Variants in STK32B observed in about 807,000 individuals in gnomAD.
STK32B encodes serine/threonine kinase 32B.
A neutral mutation model predicts 52.6 loss-of-function variants in STK32B; 43 were observed. That is an observed-to-expected ratio of 0.82 (90% confidence interval 0.64 to 1.05). The LOEUF (loss-of-function observed/expected upper bound fraction) is 1.05, where lower values mean the gene tolerates loss of function less well. Among genes scored for constraint, STK32B ranks in the 50% least tolerant of loss-of-function variants. The pLI, the probability that STK32B is intolerant of heterozygous loss-of-function variation, is 0.00. For synonymous variants in STK32B, 238 were observed against 204.3 expected (o/e 1.17, Z -1.41); for missense variants, 621 against 534.6 (o/e 1.16, Z -1.59).
chr4:5,305,864 C>T (rs1729895940), intron 3 of STK32B, among the ~76,000 whole-genome samples: 1 of 152,082 alleles, frequency 6.6e-6, no homozygotes, highest in South Asian at 2.1e-4. Context: ...CCTCTTAGCA[C>T]CACTTTTGCT....
chr4:5,419,112 A>C (rs1400876567), intron 6 of STK32B, among the ~76,000 whole-genome samples: 9 of 152,206 alleles, frequency 5.9e-5, no homozygotes, highest in Admixed American at 5.9e-4. Context: ...GAGCCAGCTG[A>C]GGGGCCTCCA....
chr4:5,339,092 C>T (rs1732902138), intron 4 of STK32B, among the ~76,000 whole-genome samples: 2 of 152,196 alleles, frequency 1.3e-5, no homozygotes, highest in South Asian at 4.1e-4. Flanking sequence ...CTCCTGTCCT[C>T]AGTCATCACT....
At chr4:5,287,606 CCAAT>C (rs1216932904) in intron 3 of STK32B, among the ~76,000 whole-genome samples, 3 of 152,042 alleles carry the variant, frequency 2.0e-5, no homozygotes, top group African/African-American at 4.8e-5. Flanking sequence ...CGTTCCTGCC[CCAAT>C]CAGTTTCATG....
chr4:5,163,936 C>T (rs1030124678), intron 2 of STK32B, among the ~76,000 whole-genome samples: 25 of 152,158 alleles, frequency 1.6e-4, no homozygotes, highest in Admixed American at 3.9e-4. Context: ...CCTGCTCCTC[C>T]GCATGGGCCA....
At chr4:5,454,143 C>T (rs1370384831) in intron 7 of STK32B, among the ~76,000 whole-genome samples, 2 of 152,192 alleles carry the variant, frequency 1.3e-5, no homozygotes, top group South Asian at 4.1e-4. Context: ...CTGTCCCGCT[C>T]ATGCCGGGCC....
intron 1 of STK32B, among the ~76,000 whole-genome samples, chr4:5,064,557 A>G (rs1361722963): frequency 9.2e-5 from 4 of 43,420 alleles, no homozygotes; most frequent in African/African-American, 2.5e-4. Context: ...ATACTTATAT[A>G]CATATATAAT....
the STK32B span, among the ~76,000 whole-genome samples, chr4:5,024,959 T>C: frequency 2.0e-5 from 3 of 152,030 alleles, no homozygotes; most frequent in African/African-American, 7.2e-5. Flanking sequence ...TTGCATGCAA[T>C]CTCTGAAGGG....
chr4:5,425,103 T>A (rs556304021), intron 6 of STK32B, among the ~76,000 whole-genome samples: 1 of 152,362 alleles, frequency 6.6e-6, no homozygotes, highest in East Asian at 1.9e-4. Context: ...CCGGACCCCA[T>A]GCTCGCTTGC....
At chr4:5,454,716 TC>T (rs1716346777) in intron 7 of STK32B, among the ~76,000 whole-genome samples, 1 of 152,120 alleles carries the variant, frequency 6.6e-6, no homozygotes, top group Admixed American at 6.5e-5. Flanking sequence ...GGTTTTGTCT[TC>T]TGTGAAATGG....
chr4:5,326,626 A>C (rs755348207), intron 3 of STK32B, among the ~76,000 whole-genome samples: 2 of 152,208 alleles, frequency 1.3e-5, no homozygotes, highest in Admixed American at 1.3e-4. Flanking sequence ...ATGTCTAAAA[A>C]GTGTACATAC....
At chr4:5,419,608 T>C (rs975420207) in intron 6 of STK32B, among the ~76,000 whole-genome samples, 1 of 152,268 alleles carries the variant, frequency 6.6e-6, no homozygotes, top group Non-Finnish European at 1.5e-5. Context: ...TTCTGGTCCA[T>C]AGAATGCTGC....
At chr4:5,476,904 G>A (rs967168744) in intron 11 of STK32B, among the ~76,000 whole-genome samples, 4 of 151,654 alleles carry the variant, frequency 2.6e-5, no homozygotes, top group African/African-American at 4.9e-5. Flanking sequence ...AAGGGATGCC[G>A]CCACCAGATT....
chr4:5,400,827 C>T lies in STK32B; in HGVS notation c.472+2583C>T, dbSNP rs1222595685. Among the ~76,000 whole-genome samples the T allele has an allele frequency of 2.0e-5, 3 of 152,158 alleles. No individual in the cohort carries two copies. The highest frequency in any genetic ancestry group is 2.9e-5 in the Non-Finnish European group (2 of 68,034). On this transcript the variant is annotated intron_variant, in intron 5 of 11. Coordinates refer to ENST00000282908, the MANE Select transcript of STK32B (RefSeq NM_018401.3). This position sits in a 1 kb window ranked among gnomAD's most constrained non-coding sequence, Gnocchi z 6.1. Reference sequence around the variant, plus strand: ...TTTCCCTCAGTAAACATCTCTTGAGCACCTGCTGTGTGCCAAGTTCTGGTT... The same window carrying T: ...TTTCCCTCAGTAAACATCTCTTGAGTACCTGCTGTGTGCCAAGTTCTGGTT...
At chr4:5,337,647 A>T (rs184068876) in intron 4 of STK32B, among the ~76,000 whole-genome samples, 85 of 152,194 alleles carry the variant, frequency 5.6e-4, no homozygotes, top group African/African-American at 1.7e-3. Flanking sequence ...TTCCTGATGC[A>T]CCTGGCCTTG....
At chr4:5,137,306 G>A (rs1202994072) in intron 1 of STK32B, among the ~76,000 whole-genome samples, 1 of 152,338 alleles carries the variant, frequency 6.6e-6, no homozygotes, top group Middle Eastern at 3.4e-3. Context: ...GTCCTGAAAA[G>A]CTTCTGGCAA....
At chr4:5,426,182 T>A (rs4017783) in intron 6 of STK32B, among the ~76,000 whole-genome samples, 24,616 of 152,070 alleles carry the variant, frequency 0.16, 2,778 homozygotes, top group East Asian at 0.41. Flanking sequence ...TGGCTGGACC[T>A]CTTTCCATTC....
chr4:5,140,417 A>G, intron 2 of STK32B: 2 of 773,744 alleles, frequency 2.6e-6, no homozygotes, highest in African/African-American at 1.8e-5. Flanking sequence ...GTCAAGCTCC[A>G]GTCTGTTCCC....
intron 3 of STK32B, among the ~76,000 whole-genome samples, chr4:5,324,465 G>C (rs1731742753): frequency 6.6e-6 from 1 of 152,218 alleles, no homozygotes; most frequent in Admixed American, 6.5e-5. Flanking sequence ...ACCTGCCTCA[G>C]TTTCCGGGGT....
chr4:5,485,371 T>A (rs548347532), intron 11 of STK32B, among the ~76,000 whole-genome samples: 1 of 152,322 alleles, frequency 6.6e-6, no homozygotes, highest in African/African-American at 2.4e-5. Flanking sequence ...TTCTTCCAGT[T>A]GATCGAATCG....
Sources: gnomAD v4.1 joint callset for allele counts (sites outside exome capture counted in the v4.1 genomes callset) on GRCh38, gnomAD v4.1.1 for gene constraint, Gnocchi (gnomAD v3.1) non-coding constraint, MANE v1.5 for transcripts, NCBI Gene and HGNC (gene_info 2026-07-23, HGNC 2026-07-21) for gene names.